SH3GL3: variants seen among roughly 807,000 people sequenced by gnomAD.
The protein encoded by SH3GL3 is endophilin-A3.
Under a neutral mutation model 47.7 loss-of-function variants are expected in SH3GL3, and 33 were observed. The observed-to-expected ratio is 0.69, with a 90% confidence interval of 0.52 to 0.92. The LOEUF (loss-of-function observed/expected upper bound fraction) is 0.92. Ranked by LOEUF, SH3GL3 falls within the 40% of genes least tolerant of loss-of-function variation. The pLI is 0.00. For synonymous variants in SH3GL3, 155 were observed against 148.8 expected (o/e 1.04, Z -0.30); for missense variants, 363 against 417.8 (o/e 0.87, Z 1.14).
the SH3GL3 span, among the ~76,000 whole-genome samples, chr15:83,632,842 C>A: frequency 1.3e-5 from 2 of 152,054 alleles, no homozygotes; most frequent in African/African-American, 4.8e-5. Flanking sequence ...ACTTCTGTAC[C>A]AAATTTATAC....
chr15:83,476,951 T>A (rs2041129177), intron 1 of SH3GL3, among the ~76,000 whole-genome samples: 1 of 152,238 alleles, frequency 6.6e-6, no homozygotes, highest in Non-Finnish European at 1.5e-5. Flanking sequence ...GGATCCCCAA[T>A]GCTCAACAGT....
Position 83,561,554 on chromosome 15 carries a change from T to TA in SH3GL3, c.114+2233_114+2234insA, listed in dbSNP as rs555319707. 1.4e-4 allele frequency among the ~76,000 whole-genome samples: 21 copies of TA among 151,616 alleles called. No individual in the cohort carries two copies. The East Asian group carries it at 3.3e-3, about 24-fold the overall frequency. Reference sequence around the variant, plus strand: ...AATCACTCTAGGTAGAAGGTAGAAATCAATATGGATAAAAAAAGAGATTAA... The same window carrying TA: ...AATCACTCTAGGTAGAAGGTAGAAATACAATATGGATAAAAAAAGAGATTAA... On this transcript the variant is annotated intron_variant, in intron 2 of 8. Transcript: ENST00000427482.
intron 1 of SH3GL3, among the ~76,000 whole-genome samples, chr15:83,549,688 CAAG>C (rs1306179909): frequency 2.6e-5 from 4 of 152,200 alleles, no homozygotes; most frequent in African/African-American, 9.7e-5. Context: ...TCAAAAGCCT[CAAG>C]AGGAAATTGA....
intron 4 of SH3GL3, among the ~76,000 whole-genome samples, chr15:83,569,700 C>G (rs1288569414): frequency 3.3e-5 from 5 of 152,204 alleles, no homozygotes; most frequent in Non-Finnish European, 7.3e-5. Flanking sequence ...TTTTAAATAA[C>G]TGATCATTTG....
At chr15:83,469,239 G>A (rs2040720970) in intron 1 of SH3GL3, among the ~76,000 whole-genome samples, 1 of 151,962 alleles carries the variant, frequency 6.6e-6, no homozygotes, top group Non-Finnish European at 1.5e-5. Flanking sequence ...TCCTGGTAAA[G>A]GTTTGTCAGT....
chr15:83,447,582 G>A lies in SH3GL3; in HGVS notation c.45+4G>A, dbSNP rs553244241. On this transcript the variant is annotated splice_donor_region_variant and intron_variant, in intron 1 of 8. Transcript: ENST00000427482. The surrounding 1 kb of genome is among the most constrained non-coding windows in gnomAD (Gnocchi z 5.1). ...GCAGTTCCACAAAGCCAGCCAGGTAGGGAGGCGCAGAGGAGGGAAGGAGGG... is the reference window on the plus strand; with the variant it reads ...GCAGTTCCACAAAGCCAGCCAGGTAAGGAGGCGCAGAGGAGGGAAGGAGGG... 3.3e-4 allele frequency: 489 copies of A among 1,502,614 alleles called. 4 individuals carry two copies. In the East Asian group the frequency reaches 0.013, roughly 38 times the overall value. 93.1% of individuals were successfully genotyped at this position (1,502,614 alleles called of 1,614,324 possible).
rs71156085 is a variant in SH3GL3, at chr15:83,541,312, A to ATTTTTTTTTTTTTT, written c.46-17915_46-17902dup. Among the ~76,000 whole-genome samples, 20 of 47,366 alleles carry ATTTTTTTTTTTTTT rather than the reference A, an allele frequency of 4.2e-4. 5 individuals carry two copies. Among genetic ancestry groups the ATTTTTTTTTTTTTT allele is most frequent in the East Asian group, 2.8e-3 (3 of 1,088 alleles). 31.1% of individuals were successfully genotyped at this position (47,366 alleles called of 152,430 possible). A position where few individuals can be genotyped will look rare whatever the true frequency, so the allele number is the denominator to read the frequency against. ...GATGGCTGGATCATATGGTAATTCTATTTTTTTTTTTTTTTTTTTTTTTTT... is the reference window on the plus strand; with the variant it reads ...GATGGCTGGATCATATGGTAATTCTATTTTTTTTTTTTTTTTTTTTTTTTTTTTTTTTTTTTTTT... On this transcript the variant is annotated intron_variant, in intron 1 of 8. Coordinates refer to ENST00000427482, the MANE Select transcript of SH3GL3 (RefSeq NM_003027.5).
intron 1 of SH3GL3, among the ~76,000 whole-genome samples, chr15:83,528,945 G>A (rs1207514453): frequency 1.3e-5 from 2 of 151,966 alleles, no homozygotes; most frequent in Admixed American, 1.3e-4. Context: ...CATTTTTTTG[G>A]ATTGGCTTTA....
chr15:83,471,424 A>G (rs750170332), intron 1 of SH3GL3, among the ~76,000 whole-genome samples: 20 of 152,340 alleles, frequency 1.3e-4, no homozygotes, highest in Non-Finnish European at 2.6e-4. Context: ...AACAGTATGT[A>G]AACAAATTAA....
intron 1 of SH3GL3, among the ~76,000 whole-genome samples, chr15:83,474,464 C>T (rs2040998857): frequency 6.6e-6 from 1 of 151,050 alleles, no homozygotes; most frequent in Non-Finnish European, 1.5e-5. Flanking sequence ...CTGTGCAGGC[C>T]AAAGAAATGT....
intron 8 of SH3GL3, among the ~76,000 whole-genome samples, chr15:83,608,424 T>C (rs1567034755): frequency 6.6e-6 from 1 of 152,188 alleles, no homozygotes; most frequent in African/African-American, 2.4e-5. Flanking sequence ...ATGTTAGAGA[T>C]GTTGAACTAG....
At position 83,519,338 on chromosome 15, in the gene SH3GL3, AT is replaced by A. The variant is rs536673622; in HGVS notation, c.46-39912del. On this transcript the variant is annotated intron_variant, in intron 1 of 8. Transcript: ENST00000427482. ...TTTCCATTTGTTTGTATCATCTATG[AT>A]TTCTTTCAGCAGCGTTTTGTACTTC... 3.7e-4 allele frequency among the ~76,000 whole-genome samples: 57 copies of A among 152,208 alleles called. No homozygotes were observed. The South Asian group carries it at 4.1e-3, about 11-fold the overall frequency.
intron 1 of SH3GL3, among the ~76,000 whole-genome samples, chr15:83,536,590 A>T (rs1347869411): frequency 6.6e-6 from 1 of 151,626 alleles, no homozygotes; most frequent in African/African-American, 2.4e-5. Flanking sequence ...TTTAGTAGAG[A>T]TAGGGTTTCA....
intron 1 of SH3GL3, among the ~76,000 whole-genome samples, chr15:83,501,697 G>A (rs1242561639): frequency 6.6e-6 from 1 of 152,126 alleles, no homozygotes; most frequent in Non-Finnish European, 1.5e-5. Context: ...TTCATGACTA[G>A]CCTGGCCAAC....
At chr15:83,549,169 C>G (rs1896809) in intron 1 of SH3GL3, among the ~76,000 whole-genome samples, 12,781 of 152,124 alleles carry the variant, frequency 0.084, 600 homozygotes, top group East Asian at 0.17. Flanking sequence ...TTATTTTATT[C>G]AACATATTTA....
intron 1 of SH3GL3, among the ~76,000 whole-genome samples, chr15:83,524,648 C>T (rs2043340623): frequency 6.6e-6 from 1 of 151,756 alleles, no homozygotes; most frequent in African/African-American, 2.4e-5. Context: ...ATTAGCTAAC[C>T]TTTCTTCATC....
chr15:83,470,810 G>A (rs1192986501), intron 1 of SH3GL3, among the ~76,000 whole-genome samples: 2 of 151,800 alleles, frequency 1.3e-5, no homozygotes, highest in Non-Finnish European at 2.9e-5. Flanking sequence ...TGCAGTTGTC[G>A]TGGCTGTTCA....
At chr15:83,580,374 T>C (rs1254096522) in intron 6 of SH3GL3, among the ~76,000 whole-genome samples, 1 of 152,218 alleles carries the variant, frequency 6.6e-6, no homozygotes, top group African/African-American at 2.4e-5. Context: ...CCTGATCTGG[T>C]ACCTGCTGGA....
At chr15:83,478,292 G>A (rs1386431204) in intron 1 of SH3GL3, among the ~76,000 whole-genome samples, 4 of 152,132 alleles carry the variant, frequency 2.6e-5, no homozygotes, top group African/African-American at 7.2e-5. Context: ...AGCAAGGATT[G>A]CAGAGGAGGA....
Sources: gnomAD v4.1 joint callset for allele counts (sites outside exome capture counted in the v4.1 genomes callset) on GRCh38, gnomAD v4.1.1 for gene constraint, Gnocchi (gnomAD v3.1) non-coding constraint, MANE v1.5 for transcripts, NCBI Gene and HGNC (gene_info 2026-07-23, HGNC 2026-07-21) for gene names.